The following API5 variants were observed in gnomAD, a reference collection of about 807,000 sequenced individuals.
API5 encodes the protein FIF.
Under a neutral mutation model 71.9 loss-of-function variants are expected in API5, and 6 were observed. That is an observed-to-expected ratio of 0.08 (90% CI 0.05 to 0.16). The LOEUF (loss-of-function observed/expected upper bound fraction) is 0.16. Ranked by LOEUF, API5 falls within the 10% of genes least tolerant of loss-of-function variation. The pLI, the probability that API5 is intolerant of heterozygous loss-of-function variation, is 1.00. For missense variants in API5, 332 were observed against 612.8 expected (o/e 0.54, Z 4.84); for synonymous variants, 189 against 221.3 (o/e 0.85, Z 1.30).
intron 11 of API5, 98 bp from the exon 12 acceptor site, chr11:43,335,180 A>G: frequency 1.2e-6 from 1 of 855,710 alleles, no homozygotes; most frequent in Non-Finnish European, 2.0e-6. Context: ...TGTCTCCTAA[A>G]TTGAATCTTT....
chr11:43,339,951 A>T (rs554324390), intron 13 of API5, among the ~76,000 whole-genome samples: 1 of 152,284 alleles, frequency 6.6e-6, no homozygotes, highest in East Asian at 1.9e-4. Context: ...GAGCAGGTAG[A>T]TAAGAGAAAG....
At chr11:43,325,748 A>C (rs1855048967) in intron 6 of API5, among the ~76,000 whole-genome samples, 1 of 152,188 alleles carries the variant, frequency 6.6e-6, no homozygotes, top group South Asian at 2.1e-4. Context: ...CTGAAGACAA[A>C]ACACAGTCAA....
In API5 at chr11:43,342,412, G is replaced by T; in HGVS notation, c.1493-16G>T. 1.3e-6 allele frequency: 2 copies of T among 1,581,184 alleles called. No individual in the cohort carries two copies. Among genetic ancestry groups the T allele is most frequent in the Non-Finnish European group, 1.7e-6 (2 of 1,164,600 alleles). On this transcript the variant is annotated splice_polypyrimidine_tract_variant and intron_variant, in intron 13 of 13. Transcript: ENST00000531273. ...AATCCTAAGCAAGACCTAAACCCTT[G>T]TTCGCTTTTTCGTAGAGCAGAGAGG...
At chr11:43,316,381 A>T (rs983768683) in intron 1 of API5, among the ~76,000 whole-genome samples, 3 of 65,350 alleles carry the variant, frequency 4.6e-5, no homozygotes, top group South Asian at 8.8e-4. Flanking sequence ...GTTTTGTTTT[A>T]AGCAGGGTTT....
In API5 at chr11:43,323,630, C is replaced by A; in HGVS notation, c.744C>A (p.Leu248=). Residue 248 remains leucine, a synonymous_variant, in exon 6 of 14, where the codon CTC becomes CTA. Coordinates refer to ENST00000531273, the MANE Select transcript of API5 (RefSeq NM_001142930.2). ...LLQCTRQAVP[L]FSKNVHSTRF... ...AGTGCACTCGGCAGGCAGTACCCCT[C>A]TTCTCTGTGAGCTCTTTATTTTTAC... 6.2e-7 allele frequency: 1 copy of A among 1,613,758 alleles called. No individual in the cohort carries two copies. The highest frequency in any genetic ancestry group is 8.5e-7 in the Non-Finnish European group (1 of 1,179,738).
chr11:43,326,885 C>G (rs1855094926), intron 7 of API5, among the ~76,000 whole-genome samples: 1 of 152,152 alleles, frequency 6.6e-6, no homozygotes, highest in South Asian at 2.1e-4. Context: ...TTAATTCATT[C>G]ATTTCTATCC....
intron 1 of API5, among the ~76,000 whole-genome samples, chr11:43,316,388 G>GT (rs35809844): frequency 1.2e-4 from 17 of 146,294 alleles, no homozygotes; most frequent in African/African-American, 3.8e-4. Context: ...TTTAAGCAGG[G>GT]TTTTTTTTTT....
intron 11 of API5, 99 bp downstream of exon 11, chr11:43,330,663 C>G (rs1855220873): frequency 1.1e-6 from 1 of 915,766 alleles, no homozygotes; most frequent in Non-Finnish European, 1.7e-6. Context: ...CAAAGGGAGG[C>G]ATGCAAACTT....
chr11:43,333,158 A>G (rs1190313689), intron 11 of API5, among the ~76,000 whole-genome samples: 1 of 152,178 alleles, frequency 6.6e-6, no homozygotes, highest in Admixed American at 6.5e-5. Context: ...TTCTGTATCC[A>G]AAGTGGATTG....
intron 12 of API5, 79 bp downstream of exon 12, chr11:43,335,433 T>C: frequency 1.2e-6 from 1 of 832,832 alleles, no homozygotes; most frequent in Non-Finnish European, 2.0e-6. Flanking sequence ...AAGGGTGCAA[T>C]GTTAAATGAT....
At chr11:43,318,938 G>A (rs1272979234) in intron 2 of API5, 137 bp downstream of exon 2, 25 of 783,480 alleles carry the variant, frequency 3.2e-5, no homozygotes, top group Non-Finnish European at 1.9e-6. Flanking sequence ...TCACACCCAG[G>A]CTTAAATTTA....
chr11:43,341,697 T>C (rs1014807649), intron 13 of API5, among the ~76,000 whole-genome samples: 7 of 152,118 alleles, frequency 4.6e-5, no homozygotes, highest in Non-Finnish European at 1.0e-4. Flanking sequence ...ATATATACTT[T>C]AAAATAGAAG....
At chr11:43,314,075 C>A in intron 1 of API5, among the ~76,000 whole-genome samples, 1 of 150,464 alleles carries the variant, frequency 6.6e-6, no homozygotes, top group Non-Finnish European at 1.5e-5. Flanking sequence ...GGCAACAGAG[C>A]AAGACTCCAT....
rs146948287 is a variant in API5, at chr11:43,328,774, C to T, written c.1008C>T (p.Pro336=). The T allele has an allele frequency of 1.2e-6, 2 of 1,613,838 alleles. No homozygotes were observed. Among genetic ancestry groups the T allele is most frequent in the African/African-American group, 2.7e-5 (2 of 74,894 alleles). ...GAGAGAATGCTGGTAATGAAGAACC[C>T]AAGCTACAGTTCAGTTATGTGGAAT... ...ENGENAGNEE[P]KLQFSYVECL... The change falls in exon 9 of 14, where the codon CCC becomes CCT. Residue 336 remains proline, a synonymous_variant. Coordinates refer to ENST00000531273, the MANE Select transcript of API5 (RefSeq NM_001142930.2).
chr11:43,313,131 T>A (rs181735137), intron 1 of API5, among the ~76,000 whole-genome samples: 3,004 of 152,024 alleles, frequency 0.02, 113 homozygotes, highest in African/African-American at 0.067. Flanking sequence ...AGGTTTTTTT[T>A]AAAAATTTAT....
In API5 at chr11:43,328,708, T is replaced by G; in HGVS notation, c.946-4T>G. On this transcript the variant is annotated splice_polypyrimidine_tract_variant and splice_region_variant and intron_variant, in intron 8 of 13. Coordinates refer to ENST00000531273, the MANE Select transcript of API5 (RefSeq NM_001142930.2). Reference sequence around the variant, plus strand: ...TGCAAAATCTGTATATTTTTCTCTCTTAGGAATACATGCCCCTCCCTCCAG... The same window carrying G: ...TGCAAAATCTGTATATTTTTCTCTCGTAGGAATACATGCCCCTCCCTCCAG... The G allele has an allele frequency of 1.2e-6, 2 of 1,612,830 alleles. No individual in the cohort carries two copies. The highest frequency in any genetic ancestry group is 2.2e-5 in the East Asian group (1 of 44,856).
Position 43,312,114 on chromosome 11 carries a change from G to T in API5, c.-14G>T, listed in dbSNP as rs1380988064. The T allele has an allele frequency of 1.2e-6, 2 of 1,613,362 alleles. No individual in the cohort carries two copies. The highest frequency in any genetic ancestry group is 8.5e-7 in the Non-Finnish European group (1 of 1,179,916). On this transcript the variant is annotated 5_prime_UTR_variant, in exon 1 of 14. Coordinates refer to ENST00000531273, the MANE Select transcript of API5 (RefSeq NM_001142930.2). ...CAAGGATAGCGGAACCGGGCCCTGG[G>T]CTTGTCGCTCACCATGCCGACAGTA...
intron 1 of API5, chr11:43,318,374 G>A: frequency 7.0e-7 from 1 of 1,420,016 alleles, no homozygotes. Context: ...GAATGAAGAA[G>A]TATTGGCATA....
At chr11:43,320,943 CT>C (rs137883019) in intron 3 of API5, 29 bp downstream of exon 3, 1 of 1,532,702 alleles carries the variant, frequency 6.5e-7, no homozygotes, top group Non-Finnish European at 9.0e-7. Context: ...ACCTTTTTCT[CT>C]AAATATATAT....
Sources: allele counts gnomAD v4.1 joint callset (sites outside exome capture counted in the v4.1 genomes callset), GRCh38; gene constraint gnomAD v4.1.1; transcripts MANE v1.5; gene names NCBI Gene and HGNC (gene_info 2026-07-23, HGNC 2026-07-21).